The following TPD52L1 variants were observed in gnomAD, a reference collection of about 807,000 sequenced individuals.
TPD52L1 encodes the protein TPD52 like 1.
In TPD52L1, 18 loss-of-function variants were observed where a neutral mutation model predicts 28.7. The observed-to-expected ratio is 0.63, with a 90% confidence interval of 0.43 to 0.93. The LOEUF is 0.93. TPD52L1 is among the 40% of genes least tolerant of loss of function. TPD52L1 has a pLI of 0.00. For missense variants in TPD52L1, 203 were observed against 254.8 expected, an observed-to-expected ratio of 0.80 and a Z score of 1.39; for synonymous variants, 75 against 88.8, an observed-to-expected ratio of 0.84 and a Z score of 0.88.
At chr6:125,211,009 T>G (rs1016282250) in intron 1 of TPD52L1, among the ~76,000 whole-genome samples, 1 of 152,210 alleles carries the variant, frequency 6.6e-6, no homozygotes, top group Non-Finnish European at 1.5e-5. Flanking sequence ...GGATGAATTC[T>G]GCAGGACAGA....
At chr6:125,177,410 G>A (rs1371149689) in intron 1 of TPD52L1, among the ~76,000 whole-genome samples, 1 of 151,800 alleles carries the variant, frequency 6.6e-6, no homozygotes, top group Admixed American at 6.6e-5. Flanking sequence ...TCTTTTTAAT[G>A]TCCTTAAAAA....
At position 125,260,994 on chromosome 6, in the gene TPD52L1, GAAA is replaced by G. The variant is rs1562411111; in HGVS notation, c.487-1839_487-1837del. On this transcript the variant is annotated intron_variant, in intron 6 of 6. Transcript: ENST00000534000. The stretch of plus-strand genomic sequence containing the variant: ...AAAGAAAGAAAAGAAAAGAAAGAAA[GAAA>G]GAAAGAAAGAAAGAAAGAAAGAAAA... 189 of 43,406 alleles carry G rather than the reference GAAA, an allele frequency of 4.4e-3. 14 individuals are homozygous for G. Among genetic ancestry groups the G allele is most frequent in the African/African-American group, 0.02 (171 of 8,364 alleles). 2.7% of individuals were successfully genotyped at this position (43,406 alleles called of 1,614,324 possible).
chr6:125,226,406 T>C (rs1429547189), intron 2 of TPD52L1, among the ~76,000 whole-genome samples: 1 of 152,110 alleles, frequency 6.6e-6, no homozygotes, highest in Non-Finnish European at 1.5e-5. Context: ...TCTATCGCTT[T>C]TGGGGGATGA....
chr6:125,234,150 G>C (rs1420587623), intron 3 of TPD52L1, among the ~76,000 whole-genome samples: 2 of 152,166 alleles, frequency 1.3e-5, no homozygotes, highest in Non-Finnish European at 2.9e-5. Context: ...AACATTAGCT[G>C]CCATTGCTTT....
rs1288832300 is a variant in TPD52L1, at chr6:125,179,824, A to G, written c.19+25854A>G. Among the ~76,000 whole-genome samples the G allele has an allele frequency of 5.3e-5, 8 of 152,332 alleles. 1 individual carries two copies. In the South Asian group the frequency reaches 1.0e-3, roughly 20 times the overall value. Reference sequence around the variant, plus strand: ...TTATAGATGGAAATGTGAAGAAGGCAGCTCTTACTTAAAGGGAGTTTTTTT... The same window carrying G: ...TTATAGATGGAAATGTGAAGAAGGCGGCTCTTACTTAAAGGGAGTTTTTTT... On this transcript the variant is annotated intron_variant, in intron 1 of 6. Transcript: ENST00000534000.
chr6:125,181,530 G>A (rs527687480), intron 1 of TPD52L1, among the ~76,000 whole-genome samples: 1 of 152,296 alleles, frequency 6.6e-6, no homozygotes, highest in South Asian at 2.1e-4. Context: ...ATCAAACTAT[G>A]AACAGATAAA....
At chr6:125,244,056 GA>G (rs1281845990) in intron 3 of TPD52L1, among the ~76,000 whole-genome samples, 3 of 152,042 alleles carry the variant, frequency 2.0e-5, no homozygotes, top group South Asian at 4.2e-4. Context: ...TTGTAGGGTT[GA>G]AGACTCAGTA....
At chr6:125,198,707 A>T (rs1411328530) in intron 1 of TPD52L1, among the ~76,000 whole-genome samples, 1 of 152,268 alleles carries the variant, frequency 6.6e-6, no homozygotes, top group Non-Finnish European at 1.5e-5. Flanking sequence ...AATTATGAGC[A>T]TGCAGCTGTC....
At chr6:125,217,601 G>A (rs989093982) in intron 1 of TPD52L1, among the ~76,000 whole-genome samples, 7 of 152,106 alleles carry the variant, frequency 4.6e-5, no homozygotes, top group African/African-American at 7.2e-5. Flanking sequence ...TTGCCAGCTC[G>A]CACACCTCTC....
intron 3 of TPD52L1, among the ~76,000 whole-genome samples, chr6:125,243,759 C>G (rs1796758115): frequency 6.6e-6 from 1 of 152,008 alleles, no homozygotes; most frequent in African/African-American, 2.4e-5. Context: ...TCTCTTGTAT[C>G]TCCTTGAGTA....
intron 1 of TPD52L1, among the ~76,000 whole-genome samples, chr6:125,171,029 T>G (rs532795701): frequency 6.6e-6 from 1 of 152,270 alleles, no homozygotes; most frequent in East Asian, 1.9e-4. Flanking sequence ...TGGCTGATTT[T>G]GGGGGTGGCA....
chr6:125,215,838 C>A (rs903039017), intron 1 of TPD52L1, among the ~76,000 whole-genome samples: 5 of 152,152 alleles, frequency 3.3e-5, no homozygotes, highest in Non-Finnish European at 5.9e-5. Context: ...TGTTTGATGT[C>A]TTGAAAAGTC....
chr6:125,172,525 T>TA (rs1182285346), intron 1 of TPD52L1, among the ~76,000 whole-genome samples: 3 of 71,198 alleles, frequency 4.2e-5, no homozygotes, highest in African/African-American at 1.5e-4. Context: ...TATATATATA[T>TA]ATATATATAT....
intron 3 of TPD52L1, among the ~76,000 whole-genome samples, chr6:125,246,198 C>G (rs1228880434): frequency 6.6e-6 from 1 of 152,172 alleles, no homozygotes. Flanking sequence ...GGTTAAATCC[C>G]TCTCCTGTGA....
chr6:125,200,564 G>C (rs554839443), intron 1 of TPD52L1, among the ~76,000 whole-genome samples: 1 of 152,258 alleles, frequency 6.6e-6, no homozygotes, highest in African/African-American at 2.4e-5. Context: ...TCTTCTCCCT[G>C]TCCAACCTCA....
Position 125,255,562 on chromosome 6 carries a change from C to T in TPD52L1, c.426-1536C>T, listed in dbSNP as rs575207301. Among the ~76,000 whole-genome samples the T allele has an allele frequency of 2.0e-5, 3 of 152,262 alleles. No homozygotes were observed. In the South Asian group the frequency reaches 6.2e-4, roughly 32 times the overall value. On this transcript the variant is annotated intron_variant, in intron 5 of 6. Transcript: ENST00000534000. ...AGCCTGAATGCAGGTACATTTCTGACCATGTGGAGCACCAAGGACTCAGGA... is the reference window on the plus strand; with the variant it reads ...AGCCTGAATGCAGGTACATTTCTGATCATGTGGAGCACCAAGGACTCAGGA...
At chr6:125,219,372 C>T (rs768296146) in intron 1 of TPD52L1, among the ~76,000 whole-genome samples, 7 of 152,236 alleles carry the variant, frequency 4.6e-5, no homozygotes, top group Non-Finnish European at 1.0e-4. Context: ...CCCATATTTT[C>T]CTCTGCCAGA....
intron 1 of TPD52L1, among the ~76,000 whole-genome samples, chr6:125,155,250 G>A (rs1019110536): frequency 1.3e-5 from 2 of 152,238 alleles, no homozygotes; most frequent in Non-Finnish European, 2.9e-5. Context: ...TGAAGCTGGT[G>A]GGAGCAGCAC....
intron 1 of TPD52L1, among the ~76,000 whole-genome samples, chr6:125,182,321 T>C (rs1792252803): frequency 6.6e-6 from 1 of 152,184 alleles, no homozygotes; most frequent in South Asian, 2.1e-4. Flanking sequence ...GTGTGACTTT[T>C]GTCACTTTTC....
Sources: gnomAD v4.1 joint callset for allele counts (sites outside exome capture counted in the v4.1 genomes callset) on GRCh38, gnomAD v4.1.1 for gene constraint, MANE v1.5 for transcripts, NCBI Gene and HGNC (gene_info 2026-07-23, HGNC 2026-07-21) for gene names.